Variants in RFT1 observed in about 807,000 individuals in gnomAD.
RFT1 encodes man(5)GlcNAc(2)-PP-dolichol translocation protein RFT1.
RFT1 carries 43 observed loss-of-function variants against 62.2 expected under a neutral mutation model. The observed-to-expected ratio is 0.69, with a 90% CI of 0.54 to 0.89. The LOEUF (loss-of-function observed/expected upper bound fraction) is 0.89, where lower values mean the gene tolerates loss of function less well. RFT1 is among the 40% of genes least tolerant of loss of function. The probability of loss-of-function intolerance (pLI) is 0.00; values close to 1 mark genes in which losing one functional copy is unlikely to be tolerated. For synonymous variants in RFT1, 262 were observed against 264.6 expected (o/e 0.99, Z 0.10); for missense variants, 605 against 649.9 (o/e 0.93, Z 0.75).
At chr3:53,072,935 C>T in the RFT1 span, among the ~76,000 whole-genome samples, 1 of 152,154 alleles carries the variant, frequency 6.6e-6, no homozygotes, top group Non-Finnish European at 1.5e-5. Context: ...TAGTGCCTGC[C>T]GCACAGCAAC....
At chr3:53,098,853 A>G (rs1413691752) in intron 11 of RFT1, among the ~76,000 whole-genome samples, 1 of 150,862 alleles carries the variant, frequency 6.6e-6, no homozygotes. Context: ...ATTCCAGGAC[A>G]GGAATCCTGA....
chr3:53,094,229 AAAAAGAAGGC>A (rs1304696082), intron 11 of RFT1, among the ~76,000 whole-genome samples: 3 of 152,084 alleles, frequency 2.0e-5, no homozygotes, highest in African/African-American at 7.2e-5. Context: ...ACCAAAAAGA[AAAAAGAAGGC>A]AAGCCACTGC....
intron 10 of RFT1, among the ~76,000 whole-genome samples, chr3:53,102,489 A>G (rs1701345961): frequency 6.6e-6 from 1 of 152,220 alleles, no homozygotes; most frequent in African/African-American, 2.4e-5. Context: ...GGTTTTGCTT[A>G]AGGATAGAAA....
chr3:53,070,287 C>T, the RFT1 span, among the ~76,000 whole-genome samples: 6 of 151,466 alleles, frequency 4.0e-5, no homozygotes, highest in East Asian at 3.9e-4. Context: ...CGGTGGCTGA[C>T]GCCTGTAATC....
chr3:53,090,370 C>T lies in RFT1; in HGVS notation c.*1533G>A, dbSNP rs139197209. On this transcript the variant is annotated 3_prime_UTR_variant, in exon 13 of 13. Transcript: ENST00000296292. ...GCTCCACTTGACCCTATGGGACCAT[C>T]CATTTTTCTGAGCTGGCCTGACCTT... 1,929 of 152,764 alleles carry T rather than the reference C, an allele frequency of 0.013. 115 individuals are homozygous for T. The South Asian group carries it at 0.17, about 13-fold the overall frequency. The allele number at this position is 152,764 out of a possible 1,614,324, so 9.5% of individuals were successfully genotyped here.
the RFT1 span, among the ~76,000 whole-genome samples, chr3:53,075,479 T>C: frequency 6.6e-6 from 1 of 152,136 alleles, no homozygotes; most frequent in Non-Finnish European, 1.5e-5. Flanking sequence ...AACACATGGA[T>C]GACATTCTCA....
At chr3:53,078,486 C>A in the RFT1 span, among the ~76,000 whole-genome samples, 1 of 152,240 alleles carries the variant, frequency 6.6e-6, no homozygotes, top group South Asian at 2.1e-4. Flanking sequence ...CAGTGGCTCA[C>A]GCCTGTAATC....
At chr3:53,083,971 G>A (rs1700806890), downstream of RFT1, among the ~76,000 whole-genome samples, 1 of 152,228 alleles carries the variant, frequency 6.6e-6, no homozygotes, top group African/African-American at 2.4e-5. Context: ...TAATGTCCTA[G>A]GGGAAACAAA....
the RFT1 span, among the ~76,000 whole-genome samples, chr3:53,080,741 C>T: frequency 6.6e-6 from 1 of 152,172 alleles, no homozygotes; most frequent in Admixed American, 6.5e-5. Context: ...TGCTATTGTG[C>T]CCATTTTTAG....
intron 6 of RFT1, 83 bp from the exon 7 acceptor site, chr3:53,111,991 A>T: frequency 9.3e-7 from 1 of 1,076,324 alleles, no homozygotes; most frequent in Non-Finnish European, 1.4e-6. Flanking sequence ...GGCAAATGCA[A>T]TCTGGTCTCT....
intron 7 of RFT1, among the ~76,000 whole-genome samples, chr3:53,110,530 G>A (rs935258054): frequency 1.3e-5 from 2 of 152,168 alleles, no homozygotes; most frequent in Non-Finnish European, 2.9e-5. Flanking sequence ...CTGGAAACGT[G>A]TGTACTCTCA....
intron 7 of RFT1, among the ~76,000 whole-genome samples, chr3:53,107,302 A>G (rs1355321817): frequency 6.6e-6 from 1 of 151,594 alleles, no homozygotes; most frequent in Non-Finnish European, 1.5e-5. Flanking sequence ...CACCCGGCTA[A>G]TTTTTTTTGT....
downstream of RFT1, among the ~76,000 whole-genome samples, chr3:53,086,476 C>T (rs1437864976): frequency 1.3e-5 from 2 of 152,026 alleles, no homozygotes; most frequent in African/African-American, 4.8e-5. Flanking sequence ...CCACCATGCC[C>T]GGCTAATTTT....
intron 2 of RFT1, among the ~76,000 whole-genome samples, chr3:53,125,455 T>A (rs940106105): frequency 2.6e-5 from 4 of 152,182 alleles, no homozygotes. Context: ...GAATCCCAGT[T>A]GCCATATCCC....
At chr3:53,126,391 C>T (rs1244198001) in intron 1 of RFT1, among the ~76,000 whole-genome samples, 6 of 152,222 alleles carry the variant, frequency 3.9e-5, no homozygotes, top group Non-Finnish European at 7.3e-5. Flanking sequence ...AAATAGCATA[C>T]GCTTAGCAAG....
At chr3:53,115,892 T>C (rs1701777393) in intron 6 of RFT1, among the ~76,000 whole-genome samples, 1 of 152,266 alleles carries the variant, frequency 6.6e-6, no homozygotes, top group Non-Finnish European at 1.5e-5. Context: ...ATGCAAGTTC[T>C]GAGGGTAGGG....
chr3:53,103,451 A>C, intron 10 of RFT1: 1 of 174,078 alleles, frequency 5.7e-6, no homozygotes, highest in East Asian at 1.7e-4. Context: ...AAAAACTGAG[A>C]GTCACTGGAT....
chr3:53,107,285 G>A (rs1467502234), intron 7 of RFT1, among the ~76,000 whole-genome samples: 11 of 151,856 alleles, frequency 7.2e-5, no homozygotes, highest in African/African-American at 2.4e-4. Flanking sequence ...ACAGGCGCCC[G>A]CCACCGCACC....
At chr3:53,123,386 A>T (rs753310772) in intron 3 of RFT1, among the ~76,000 whole-genome samples, 54 of 152,254 alleles carry the variant, frequency 3.5e-4, no homozygotes, top group Non-Finnish European at 7.3e-4. Context: ...CAAAAAGATT[A>T]GGAATAAAAA....
Sources: allele counts gnomAD v4.1 joint callset (sites outside exome capture counted in the v4.1 genomes callset), GRCh38; gene constraint gnomAD v4.1.1; transcripts MANE v1.5; gene names NCBI Gene and HGNC (gene_info 2026-07-23, HGNC 2026-07-21).